Variants in ATP11C observed in about 807,000 individuals in gnomAD.
The protein encoded by ATP11C is phospholipid-transporting ATPase IG.
A neutral mutation model predicts 97.4 loss-of-function variants in ATP11C; 36 were observed. That is an observed-to-expected ratio of 0.37 (90% CI 0.28 to 0.49). The LOEUF (loss-of-function observed/expected upper bound fraction) is 0.49, where lower values mean the gene tolerates loss of function less well. ATP11C is among the 20% of genes least tolerant of loss of function. The pLI is 0.98. For synonymous variants in ATP11C, 275 were observed against 290.9 expected (o/e 0.95, Z 0.56); for missense variants, 730 against 824.6 (o/e 0.89, Z 1.40).
chrX:139,782,699 G>C lies in ATP11C; in HGVS notation c.1800C>G (p.Phe600Leu). 1 of 1,203,528 alleles carries C rather than the reference G, an allele frequency of 8.3e-7. No homozygotes were observed. The highest frequency in any genetic ancestry group is 1.1e-6 in the Non-Finnish European group (1 of 890,674). The change falls in exon 18 of 30, where the codon TTC becomes TTG. Residue 600 changes from phenylalanine to leucine, a missense_variant. Transcript: ENST00000682941. Reference sequence around the variant, plus strand: ...CATAATCATCTGGAGCAATTTCTTTGAAGGCTACACAGAGTGTCCGATACC... The same window carrying C: ...CATAATCATCTGGAGCAATTTCTTTCAAGGCTACACAGAGTGTCCGATACC... Reference protein sequence around the residue: ...MDGYRTLCVAFKEIAPDDYER... With the variant: ...MDGYRTLCVALKEIAPDDYER...
At chrX:139,834,360 G>A (rs2083715120) in intron 1 of ATP11C, among the ~76,000 whole-genome samples, 1 of 111,326 alleles carries the variant, frequency 9.0e-6, no homozygotes, top group Middle Eastern at 4.6e-3. Flanking sequence ...ATAGGAATTC[G>A]TTTCTCCCTT....
At chrX:139,818,617 C>T (rs1473472909) in intron 3 of ATP11C, among the ~76,000 whole-genome samples, 1 of 112,113 alleles carries the variant, frequency 8.9e-6, no homozygotes, top group East Asian at 2.8e-4. Flanking sequence ...AATTCAATTA[C>T]AGTACCATTT....
In ATP11C at chrX:139,824,150, A is replaced by T. The variant is rs887250427; in HGVS notation, c.147+2554T>A. On this transcript the variant is annotated intron_variant, in intron 2 of 29. Coordinates refer to ENST00000682941, the MANE Select transcript of ATP11C (RefSeq NM_001353812.2). ...AAAAAAAAAAAAAAAAAATTAATTAATTTTTTAAAAAAAACCTTTAAAATT... is the reference window on the plus strand; with the variant it reads ...AAAAAAAAAAAAAAAAAATTAATTATTTTTTTAAAAAAAACCTTTAAAATT... Among the ~76,000 whole-genome samples the T allele has an allele frequency of 7.7e-3, 839 of 108,747 alleles. 13 individuals carry two copies. The highest frequency in any genetic ancestry group is 0.027 in the African/African-American group (795 of 29,894). The allele number at this position is 108,747 out of a possible 115,157, so 94.4% of individuals were successfully genotyped here.
chrX:139,906,402 G>A (rs1238141787), intron 1 of ATP11C, among the ~76,000 whole-genome samples: 1 of 91,665 alleles, frequency 1.1e-5, no homozygotes, highest in Admixed American at 1.3e-4. Flanking sequence ...TGGTGACAGG[G>A]CAAGACACTG....
intron 1 of ATP11C, among the ~76,000 whole-genome samples, chrX:139,906,828 T>G (rs1479077519): frequency 9.1e-6 from 1 of 110,399 alleles, no homozygotes; most frequent in Non-Finnish European, 1.9e-5. Context: ...AAAAATTCAT[T>G]AAGGCCTTGT....
chrX:139,805,623 A>G (rs2083025480), intron 5 of ATP11C, among the ~76,000 whole-genome samples: 1 of 112,033 alleles, frequency 8.9e-6, no homozygotes, highest in South Asian at 3.8e-4. Flanking sequence ...AAAATTATAA[A>G]TAATACTTTT....
chrX:139,793,017 G>A (rs1366576849), intron 12 of ATP11C, among the ~76,000 whole-genome samples: 1 of 111,424 alleles, frequency 9.0e-6, no homozygotes, highest in African/African-American at 3.3e-5. Flanking sequence ...GAGTCATGGG[G>A]CAGTCTTGGG....
intron 5 of ATP11C, among the ~76,000 whole-genome samples, chrX:139,814,471 G>A (rs2083242430): frequency 8.9e-6 from 1 of 111,732 alleles, no homozygotes; most frequent in Admixed American, 9.5e-5. Flanking sequence ...TACCCAAAAG[G>A]TAGAAACAAC....
chrX:139,802,122 T>C, intron 7 of ATP11C, 114 bp downstream of exon 7: 1 of 545,462 alleles, frequency 1.8e-6, no homozygotes, highest in Non-Finnish European at 3.2e-6. Flanking sequence ...GAATCGCCCA[T>C]AAAAACACAA....
intron 1 of ATP11C, among the ~76,000 whole-genome samples, chrX:139,874,696 G>A (rs1470163792): frequency 3.8e-5 from 4 of 106,549 alleles, no homozygotes; most frequent in Non-Finnish European, 7.5e-5. Context: ...TGTTCAAAAT[G>A]CAGAGCTCTG....
chrX:139,812,800 G>A (rs1035343260), intron 5 of ATP11C, among the ~76,000 whole-genome samples: 1 of 111,821 alleles, frequency 8.9e-6, no homozygotes, highest in Non-Finnish European at 1.9e-5. Flanking sequence ...GATTACAGGC[G>A]TAAGCCACTG....
intron 22 of ATP11C, 109 bp downstream of exon 22, chrX:139,761,852 G>T (rs935246278): frequency 1.9e-6 from 1 of 532,746 alleles, no homozygotes; most frequent in Non-Finnish European, 2.7e-6. Context: ...ATTTCAGTAT[G>T]AGATATCAAA....
At chrX:139,904,758 G>C (rs1330448149) in intron 1 of ATP11C, among the ~76,000 whole-genome samples, 12 of 110,665 alleles carry the variant, frequency 1.1e-4, no homozygotes, top group Non-Finnish European at 1.7e-4. Flanking sequence ...GCAGAAATGG[G>C]GTCCTCGGGG....
intron 8 of ATP11C, among the ~76,000 whole-genome samples, chrX:139,799,038 A>T (rs1350295082): frequency 1.8e-5 from 2 of 111,720 alleles, no homozygotes; most frequent in Non-Finnish European, 3.8e-5. Flanking sequence ...CGAGAACAGA[A>T]CAGAGCAGCA....
chrX:139,795,552 T>C (rs1258746531), intron 12 of ATP11C, among the ~76,000 whole-genome samples: 1 of 111,153 alleles, frequency 9.0e-6, no homozygotes, highest in Non-Finnish European at 1.9e-5. Context: ...AGCCAAAAAA[T>C]TCCTTCAGCT....
intron 8 of ATP11C, 68 bp downstream of exon 8, chrX:139,799,992 G>A (rs1268015405): frequency 1.1e-6 from 1 of 873,408 alleles, no homozygotes; most frequent in East Asian, 3.5e-5. Context: ...GGCTATTTTA[G>A]TTGATTTAAC....
intron 5 of ATP11C, among the ~76,000 whole-genome samples, chrX:139,810,408 T>C (rs988441840): frequency 2.7e-5 from 3 of 111,849 alleles, no homozygotes; most frequent in South Asian, 3.8e-4. Context: ...TGAGCCAAGA[T>C]TGTGGCATTG....
At chrX:139,815,139 A>T (rs1156858029) in intron 4 of ATP11C, among the ~76,000 whole-genome samples, 154 bp from the exon 5 acceptor site, 1 of 112,372 alleles carries the variant, frequency 8.9e-6, no homozygotes, top group Non-Finnish European at 1.9e-5. Context: ...ACACATTTTA[A>T]TAGCAAATCT....
intron 1 of ATP11C, among the ~76,000 whole-genome samples, chrX:139,891,627 C>G (rs771016065): frequency 5.4e-5 from 6 of 111,502 alleles, no homozygotes; most frequent in Non-Finnish European, 1.1e-4. Context: ...CTCCCCATTG[C>G]CTAGCTAAAG....
Sources: allele counts gnomAD v4.1 joint callset (sites outside exome capture counted in the v4.1 genomes callset), GRCh38; gene constraint gnomAD v4.1.1; transcripts MANE v1.5; gene names NCBI Gene and HGNC (gene_info 2026-07-23, HGNC 2026-07-21).